BMPER: variants seen among roughly 807,000 people sequenced by gnomAD.
The protein encoded by BMPER is BMP-binding endothelial regulator protein.
A neutral mutation model predicts 87.3 loss-of-function variants in BMPER; 45 were observed. The observed-to-expected ratio is 0.52, with a 90% CI of 0.41 to 0.66. BMPER has a LOEUF of 0.66. Among genes scored for constraint, BMPER ranks in the 30% least tolerant of loss-of-function variants. BMPER has a pLI of 0.00. For missense variants in BMPER, 784 were observed against 867.5 expected (o/e 0.90, Z 1.21); for synonymous variants, 326 against 316.2 (o/e 1.03, Z -0.33).
chr7:34,065,239 TCTCTCTCTCC>T (rs746614307), intron 11 of BMPER, among the ~76,000 whole-genome samples: 1 of 137,502 alleles, frequency 7.3e-6, no homozygotes, highest in Admixed American at 7.1e-5. Context: ...TCTCTCTCTC[TCTCTCTCTCC>T]CTCTCTCTCT....
chr7:34,019,885 C>T (rs1787133290), intron 6 of BMPER, among the ~76,000 whole-genome samples: 1 of 151,340 alleles, frequency 6.6e-6, no homozygotes, highest in Non-Finnish European at 1.5e-5. Context: ...ACCCACACTT[C>T]ACAGGAGGGG....
chr7:34,109,909 CT>C (rs1325415892), intron 13 of BMPER, among the ~76,000 whole-genome samples: 5 of 152,210 alleles, frequency 3.3e-5, no homozygotes, highest in Non-Finnish European at 1.5e-5. Flanking sequence ...TGCAAAATCT[CT>C]TTCCCCTTGA....
chr7:34,107,689 C>T (rs904975117), intron 13 of BMPER, among the ~76,000 whole-genome samples: 2 of 152,130 alleles, frequency 1.3e-5, no homozygotes, highest in Non-Finnish European at 2.9e-5. Flanking sequence ...ATTGTTTCTC[C>T]AATGAGACTG....
At chr7:34,098,365 C>T (rs75963736) in intron 13 of BMPER, among the ~76,000 whole-genome samples, 3,657 of 152,214 alleles carry the variant, frequency 0.024, 161 homozygotes, top group African/African-American at 0.083. Flanking sequence ...GCATCCAGAA[C>T]AGCCAACAGG....
chr7:34,081,969 T>G (rs1449957837), intron 12 of BMPER, among the ~76,000 whole-genome samples: 3 of 152,002 alleles, frequency 2.0e-5, no homozygotes, highest in Non-Finnish European at 4.4e-5. Context: ...ATCCACAAAA[T>G]TAAACAAAAA....
chr7:34,037,553 C>T (rs2127953968), intron 6 of BMPER, among the ~76,000 whole-genome samples: 1 of 152,214 alleles, frequency 6.6e-6, no homozygotes, highest in African/African-American at 2.4e-5. Flanking sequence ...CATTGATGTC[C>T]CTGCAGGGCT....
intron 7 of BMPER, among the ~76,000 whole-genome samples, chr7:34,050,371 A>C (rs1788116673): frequency 6.6e-6 from 1 of 151,976 alleles, no homozygotes; most frequent in African/African-American, 2.4e-5. Context: ...TAAGATCCAA[A>C]TTATAACTCA....
chr7:33,961,594 G>A (rs956651245), intron 3 of BMPER, among the ~76,000 whole-genome samples: 7 of 152,200 alleles, frequency 4.6e-5, no homozygotes, highest in African/African-American at 1.4e-4. Flanking sequence ...GAGGTAACTG[G>A]GAGAAAGCAT....
At chr7:34,061,108 T>C (rs1788425035) in intron 10 of BMPER, among the ~76,000 whole-genome samples, 1 of 151,992 alleles carries the variant, frequency 6.6e-6, no homozygotes, top group Non-Finnish European at 1.5e-5. Context: ...TCATTAAATC[T>C]TAATAGGTCA....
At chr7:33,956,660 G>A (rs1428894423) in intron 3 of BMPER, among the ~76,000 whole-genome samples, 1 of 152,052 alleles carries the variant, frequency 6.6e-6, no homozygotes, top group Admixed American at 6.6e-5. Context: ...AATGTGATGA[G>A]GATGAAGACG....
At chr7:34,025,326 G>T (rs983273741) in intron 6 of BMPER, among the ~76,000 whole-genome samples, 1 of 151,952 alleles carries the variant, frequency 6.6e-6, no homozygotes, top group African/African-American at 2.4e-5. Flanking sequence ...GTAGAGGGTA[G>T]GTTCTGCAAG....
intron 9 of BMPER, among the ~76,000 whole-genome samples, chr7:34,057,681 C>T (rs577959214): frequency 3.9e-5 from 6 of 152,256 alleles, no homozygotes; most frequent in Admixed American, 6.5e-5. Flanking sequence ...TCTTATCAAA[C>T]GGGAAAATTA....
rs749760051 is a variant in BMPER, at chr7:34,062,092, A to T, written c.1078+45A>T. The T allele has an allele frequency of 1.2e-5, 19 of 1,554,208 alleles. No homozygotes were observed. In the South Asian group the frequency reaches 2.1e-4, roughly 17 times the overall value. ...AATGTGCTATTAGTATTTGTTTTGC[A>T]TTTTATAGTGCAACAAGAAAAATAG... On this transcript the variant is annotated intron_variant, in intron 11 of 14. Transcript: ENST00000649409.
At chr7:34,119,228 G>T (rs187695212) in intron 13 of BMPER, among the ~76,000 whole-genome samples, 1 of 152,246 alleles carries the variant, frequency 6.6e-6, no homozygotes, top group East Asian at 1.9e-4. Flanking sequence ...TGTTAAGATT[G>T]CATGTGCCAG....
At chr7:34,044,992 A>G (rs73329149) in intron 6 of BMPER, among the ~76,000 whole-genome samples, 3,156 of 152,220 alleles carry the variant, frequency 0.021, 80 homozygotes, top group African/African-American at 0.065. Context: ...GGAAGGTGTG[A>G]GGAAATGCAT....
chr7:33,981,428 T>C (rs1234889435), intron 6 of BMPER, among the ~76,000 whole-genome samples: 4 of 152,232 alleles, frequency 2.6e-5, no homozygotes, highest in Admixed American at 6.5e-5. Flanking sequence ...ATTCCTTCTT[T>C]AGGGAAGCTT....
At chr7:33,978,933 A>G (rs888190774) in intron 6 of BMPER, among the ~76,000 whole-genome samples, 17 of 152,204 alleles carry the variant, frequency 1.1e-4, no homozygotes, top group African/African-American at 4.1e-4. Context: ...TAAAAAGTAC[A>G]TATTCTACTG....
intron 13 of BMPER, among the ~76,000 whole-genome samples, chr7:34,087,483 C>G (rs111963711): frequency 0.035 from 5,258 of 152,270 alleles, 328 homozygotes; most frequent in African/African-American, 0.12. Context: ...CAACCTAAAA[C>G]AATGACCTAA....
intron 5 of BMPER, among the ~76,000 whole-genome samples, chr7:33,972,888 A>G (rs1314571715): frequency 6.6e-6 from 1 of 152,214 alleles, no homozygotes; most frequent in Non-Finnish European, 1.5e-5. Flanking sequence ...CTGTATCCAC[A>G]AGGCATTATC....
Sources: allele counts gnomAD v4.1 joint callset (sites outside exome capture counted in the v4.1 genomes callset), GRCh38; gene constraint gnomAD v4.1.1; transcripts MANE v1.5; gene names NCBI Gene and HGNC (gene_info 2026-07-23, HGNC 2026-07-21).